ITPK1: variants seen among roughly 807,000 people sequenced by gnomAD.
The protein encoded by ITPK1 is inositol 1,3,4-trisphosphate 5/6-kinase.
In ITPK1, 21 loss-of-function variants were observed where a neutral mutation model predicts 45.3. The observed-to-expected ratio is 0.46, with a 90% CI of 0.33 to 0.67. ITPK1 has a LOEUF of 0.67. ITPK1 is among the 30% of genes least tolerant of loss of function. The pLI, the probability that ITPK1 is intolerant of heterozygous loss-of-function variation, is 0.02. For missense variants in ITPK1, 474 were observed against 573.5 expected, an observed-to-expected ratio of 0.83 and a Z score of 1.77; for synonymous variants, 258 against 253.6, an observed-to-expected ratio of 1.02 and a Z score of -0.16.
intron 3 of ITPK1, among the ~76,000 whole-genome samples, chr14:93,074,376 G>A (rs1476216037): frequency 2.0e-5 from 3 of 152,198 alleles, no homozygotes; most frequent in Non-Finnish European, 2.9e-5. Flanking sequence ...GCGGATTAAA[G>A]ATTTTAGTCT....
intron 10 of ITPK1, among the ~76,000 whole-genome samples, chr14:92,942,417 G>A (rs1887476282): frequency 1.3e-5 from 2 of 152,286 alleles, no homozygotes; most frequent in South Asian, 4.1e-4. Flanking sequence ...AGAAGAGAAG[G>A]CTGCCGCCCA....
At chr14:93,099,733 C>T (rs1002937492) in intron 2 of ITPK1, among the ~76,000 whole-genome samples, 4 of 152,158 alleles carry the variant, frequency 2.6e-5, no homozygotes, top group African/African-American at 4.8e-5. Flanking sequence ...GCCTCCCTTC[C>T]GGAGCTTCCC....
At chr14:92,946,563 C>A in intron 9 of ITPK1, 70 bp from the exon 10 acceptor site, 1 of 1,462,818 alleles carries the variant, frequency 6.8e-7, no homozygotes, top group Non-Finnish European at 9.4e-7. Context: ...CAGACAGACC[C>A]CCCACACCAG....
At chr14:93,099,237 C>A (rs1353615433) in intron 2 of ITPK1, among the ~76,000 whole-genome samples, 1 of 152,128 alleles carries the variant, frequency 6.6e-6, no homozygotes, top group Non-Finnish European at 1.5e-5. Flanking sequence ...CAGACCAACA[C>A]TCCCCTCCAG....
chr14:92,990,892 C>G (rs1254430751), intron 5 of ITPK1, among the ~76,000 whole-genome samples: 1 of 152,186 alleles, frequency 6.6e-6, no homozygotes, highest in African/African-American at 2.4e-5. Flanking sequence ...CGTCTCCCTC[C>G]CACTGCTCAT....
At chr14:93,021,514 A>T (rs2139867495) in intron 3 of ITPK1, among the ~76,000 whole-genome samples, 1 of 151,176 alleles carries the variant, frequency 6.6e-6, no homozygotes, top group East Asian at 1.9e-4. Flanking sequence ...AATTGCTTGA[A>T]CCCGGGAGGC....
intron 3 of ITPK1, among the ~76,000 whole-genome samples, chr14:93,021,365 GC>G (rs1888451122): frequency 6.6e-6 from 1 of 152,122 alleles, no homozygotes; most frequent in African/African-American, 2.4e-5. Context: ...GGCCAGGTGG[GC>G]CGATCACTTG....
intron 5 of ITPK1, among the ~76,000 whole-genome samples, chr14:92,980,419 G>A (rs1015424689): frequency 1.3e-5 from 2 of 152,176 alleles, no homozygotes; most frequent in African/African-American, 4.8e-5. Flanking sequence ...CAAGCCAGGT[G>A]GAGGGGGCCT....
Position 92,940,739 on chromosome 14 carries a change from C to T in ITPK1, c.*822G>A. The T allele has an allele frequency of 7.8e-7, 1 of 1,289,114 alleles. No individual in the cohort carries two copies. Among genetic ancestry groups the T allele is most frequent in the Non-Finnish European group, 1.0e-6 (1 of 988,706 alleles). The allele number at this position is 1,289,114 out of a possible 1,614,324, so 79.9% of individuals were successfully genotyped here. A position where few individuals can be genotyped will look rare whatever the true frequency, so the allele number is the denominator to read the frequency against. The stretch of plus-strand genomic sequence containing the variant: ...GACAAGGGGGTGGAGGCCCAAAGAC[C>T]TGGAATGATTTGCCCAAATCACAGC... On this transcript the variant is annotated 3_prime_UTR_variant, in exon 11 of 11. Transcript: ENST00000267615.
At chr14:92,981,357 T>C (rs1021384914) in intron 5 of ITPK1, among the ~76,000 whole-genome samples, 9 of 152,126 alleles carry the variant, frequency 5.9e-5, no homozygotes, top group Admixed American at 2.6e-4. Flanking sequence ...TGGGGCTCTC[T>C]CCCGCAGCAC....
chr14:93,082,903 A>C (rs1478268117), intron 2 of ITPK1, among the ~76,000 whole-genome samples: 1 of 152,160 alleles, frequency 6.6e-6, no homozygotes, highest in Non-Finnish European at 1.5e-5. Flanking sequence ...CCCCGGCCAG[A>C]CCCGGCCGCA....
chr14:93,041,216 A>G (rs1889549650), intron 3 of ITPK1, among the ~76,000 whole-genome samples: 1 of 152,220 alleles, frequency 6.6e-6, no homozygotes, highest in Non-Finnish European at 1.5e-5. Flanking sequence ...GGCAAGGGCC[A>G]GGCTTCCACT....
chr14:93,027,689 A>G (rs999757121), intron 3 of ITPK1, among the ~76,000 whole-genome samples: 2 of 152,194 alleles, frequency 1.3e-5, no homozygotes, highest in Non-Finnish European at 2.9e-5. Context: ...GAGCCCGTGC[A>G]CTAGTCACTG....
intron 4 of ITPK1, among the ~76,000 whole-genome samples, chr14:93,001,783 C>T (rs1438688252): frequency 6.6e-6 from 1 of 152,222 alleles, no homozygotes; most frequent in African/African-American, 2.4e-5. Flanking sequence ...TTTCACTCCC[C>T]TGGCTCCTCC....
chr14:92,942,629 A>T (rs1340657023), intron 10 of ITPK1, among the ~76,000 whole-genome samples: 1 of 152,206 alleles, frequency 6.6e-6, no homozygotes, highest in East Asian at 1.9e-4. Context: ...GCCTGAGACA[A>T]GCTCCAGGGC....
intron 4 of ITPK1, among the ~76,000 whole-genome samples, chr14:93,006,164 C>G (rs1333165746): frequency 6.6e-6 from 1 of 152,198 alleles, no homozygotes. Flanking sequence ...CAGGGCAAGC[C>G]ACACTTAGGA....
At chr14:92,968,147 T>C (rs1024014604) in intron 5 of ITPK1, among the ~76,000 whole-genome samples, 4 of 152,110 alleles carry the variant, frequency 2.6e-5, no homozygotes, top group African/African-American at 7.2e-5. Context: ...CTGGCCAACA[T>C]GGTGAAACCC....
intron 10 of ITPK1, among the ~76,000 whole-genome samples, chr14:92,943,134 G>A (rs934016062): frequency 1.5e-4 from 23 of 152,366 alleles, no homozygotes; most frequent in Non-Finnish European, 2.1e-4. Flanking sequence ...GGCGCCTCCC[G>A]AGCTGGCACT....
intron 2 of ITPK1, among the ~76,000 whole-genome samples, chr14:93,084,434 C>T (rs1055504125): frequency 2.6e-5 from 4 of 152,204 alleles, no homozygotes; most frequent in African/African-American, 9.7e-5. Flanking sequence ...AATTATCCAG[C>T]ACAAAAGGTC....
Sources: gnomAD v4.1 joint callset for allele counts (sites outside exome capture counted in the v4.1 genomes callset) on GRCh38, gnomAD v4.1.1 for gene constraint, MANE v1.5 for transcripts, NCBI Gene and HGNC (gene_info 2026-07-23, HGNC 2026-07-21) for gene names.